IDE: variants seen among roughly 807,000 people sequenced by gnomAD.
IDE encodes insulin-degrading enzyme.
Under a neutral mutation model 133.2 loss-of-function variants are expected in IDE, and 58 were observed. That is an observed-to-expected ratio of 0.44 (90% confidence interval 0.35 to 0.54). The LOEUF is 0.54. Ranked by LOEUF, IDE falls within the 20% of genes least tolerant of loss-of-function variation. The pLI, the probability that IDE is intolerant of heterozygous loss-of-function variation, is 0.00. For synonymous variants in IDE, 396 were observed against 421.3 expected (o/e 0.94, Z 0.73); for missense variants, 981 against 1,234.0 (o/e 0.79, Z 3.07).
At chr10:92,457,638 T>C (rs1333266536) in intron 22 of IDE, among the ~76,000 whole-genome samples, 1 of 152,122 alleles carries the variant, frequency 6.6e-6, no homozygotes, top group Non-Finnish European at 1.5e-5. Flanking sequence ...TGTGACAAAG[T>C]TCCTCTTATT....
chr10:92,564,317 G>A (rs922718155), intron 1 of IDE, among the ~76,000 whole-genome samples: 1 of 152,074 alleles, frequency 6.6e-6, no homozygotes, highest in Non-Finnish European at 1.5e-5. Flanking sequence ...GTGTCCTGAA[G>A]GATAGTCTCC....
chr10:92,473,843 G>A (rs995098811), intron 17 of IDE, among the ~76,000 whole-genome samples: 4 of 152,026 alleles, frequency 2.6e-5, no homozygotes. Flanking sequence ...TTTGCCAGGT[G>A]TGGTGGTATA....
chr10:92,478,787 C>T (rs779913661), intron 15 of IDE: 41 of 1,210,886 alleles, frequency 3.4e-5, no homozygotes, highest in East Asian at 6.0e-5. Flanking sequence ...ATAAATGTAG[C>T]GACTAACAAA....
chr10:92,510,615 T>G (rs1848529000), intron 5 of IDE, among the ~76,000 whole-genome samples: 1 of 151,668 alleles, frequency 6.6e-6, no homozygotes, highest in South Asian at 2.1e-4. Flanking sequence ...AATGCACATT[T>G]TATATGTGTG....
At chr10:92,552,857 C>CAAAAAAAAAAAAAAAAAAAAAAAAAAA (rs71028827) in intron 1 of IDE, among the ~76,000 whole-genome samples, 27 of 49,376 alleles carry the variant, frequency 5.5e-4, no homozygotes, top group African/African-American at 2.0e-3. Context: ...GACTCAGTCT[C>CAAAAAAAAAAAAAAAAAAAAAAAAAAA]AAAAAAAAAA....
rs1018061549 is a variant in IDE, at chr10:92,453,416, T to C, written c.*1028A>G. 1 of 152,238 alleles carries C rather than the reference T, an allele frequency of 6.6e-6. No individual in the cohort carries two copies. The highest frequency in any genetic ancestry group is 6.5e-5 in the Admixed American group (1 of 15,274). The allele number at this position is 152,238 out of a possible 1,614,324, so 9.4% of individuals were successfully genotyped here. A position where few individuals can be genotyped will look rare whatever the true frequency, so the allele number is the denominator to read the frequency against. On this transcript the variant is annotated 3_prime_UTR_variant, in exon 25 of 25. Coordinates refer to ENST00000265986, the MANE Select transcript of IDE (RefSeq NM_004969.4). ...AGCAACAAGGGATTTTAGAGTTTTATGAAGACCTGCTATATAAGAATGCAA... is the reference window on the plus strand; with the variant it reads ...AGCAACAAGGGATTTTAGAGTTTTACGAAGACCTGCTATATAAGAATGCAA...
At chr10:92,499,910 T>A (rs1847915045) in intron 11 of IDE, among the ~76,000 whole-genome samples, 1 of 152,226 alleles carries the variant, frequency 6.6e-6, no homozygotes, top group Admixed American at 6.5e-5. Context: ...TCAAGTTTCA[T>A]CATTTTTCAT....
chr10:92,502,775 T>C (rs1307159521), intron 11 of IDE, among the ~76,000 whole-genome samples: 1 of 152,234 alleles, frequency 6.6e-6, no homozygotes, highest in Admixed American at 6.5e-5. Context: ...GTAAATTATC[T>C]AGAGTTGAAA....
At chr10:92,537,905 C>T (rs1438303840) in intron 1 of IDE, among the ~76,000 whole-genome samples, 1 of 151,992 alleles carries the variant, frequency 6.6e-6, no homozygotes, top group Non-Finnish European at 1.5e-5. Context: ...CAGTTTGTCA[C>T]CGAGGCTTGT....
chr10:92,525,875 G>A (rs1377308064), intron 4 of IDE, among the ~76,000 whole-genome samples: 1 of 151,924 alleles, frequency 6.6e-6, no homozygotes, highest in Non-Finnish European at 1.5e-5. Flanking sequence ...AAAGATCTCA[G>A]GCTGGGCGCA....
chr10:92,556,130 A>G (rs1451974803), intron 1 of IDE, among the ~76,000 whole-genome samples: 3 of 131,002 alleles, frequency 2.3e-5, no homozygotes, highest in East Asian at 2.5e-4. Context: ...CCGAGATTGC[A>G]CCACTGCAGT....
chr10:92,527,199 A>T (rs1811422838), intron 4 of IDE, among the ~76,000 whole-genome samples: 1 of 152,200 alleles, frequency 6.6e-6, no homozygotes, highest in Admixed American at 6.5e-5. Flanking sequence ...GTCTACATAA[A>T]GTCCTAAGAA....
At chr10:92,468,618 C>T (rs1845809590) in intron 19 of IDE, among the ~76,000 whole-genome samples, 1 of 151,922 alleles carries the variant, frequency 6.6e-6, no homozygotes, top group Admixed American at 6.6e-5. Flanking sequence ...TTTTTACTTC[C>T]TAATTCCCCT....
In IDE at chr10:92,453,465, A is replaced by G. The variant is rs922416515; in HGVS notation, c.*979T>C. The stretch of plus-strand genomic sequence containing the variant: ...AAGGCTTTACTTTTTATATTTCCAA[A>G]AAGGTGGCTTTGTATTGGCTGCCTT... On this transcript the variant is annotated 3_prime_UTR_variant, in exon 25 of 25. Coordinates refer to ENST00000265986, the MANE Select transcript of IDE (RefSeq NM_004969.4). 3.3e-5 allele frequency: 5 copies of G among 152,208 alleles called. No homozygotes were observed. The highest frequency in any genetic ancestry group is 1.2e-4 in the African/African-American group (5 of 41,450). 9.4% of individuals were successfully genotyped at this position (152,208 alleles called of 1,614,324 possible). A position where few individuals can be genotyped will look rare whatever the true frequency, so the allele number is the denominator to read the frequency against.
At chr10:92,467,336 G>T (rs1043221679) in intron 19 of IDE, among the ~76,000 whole-genome samples, 10 of 152,166 alleles carry the variant, frequency 6.6e-5, no homozygotes, top group Non-Finnish European at 1.0e-4. Flanking sequence ...GCCTCCCAAA[G>T]TGCTGGGATT....
rs1370828640 is a variant in IDE at position 92,524,377 on chromosome 10, A to G, written c.661+7371T>C. Reference sequence around the variant, plus strand: ...TATATTTTATATTATAATATATATTATATATAATATATTTTATATAATATA... The same window carrying G: ...TATATTTTATATTATAATATATATTGTATATAATATATTTTATATAATATA... On this transcript the variant is annotated intron_variant, in intron 4 of 24. Coordinates refer to ENST00000265986, the MANE Select transcript of IDE (RefSeq NM_004969.4). Among the ~76,000 whole-genome samples the G allele has an allele frequency of 8.8e-5, 3 of 34,282 alleles. No individual in the cohort carries two copies. In the South Asian group the frequency reaches 1.6e-3, roughly 18 times the overall value. 22.5% of individuals were successfully genotyped at this position (34,282 alleles called of 152,430 possible).
intron 5 of IDE, among the ~76,000 whole-genome samples, chr10:92,512,393 A>T (rs968172800): frequency 8.5e-5 from 13 of 152,176 alleles, no homozygotes; most frequent in African/African-American, 2.9e-4. Flanking sequence ...ATGTGTATGG[A>T]TCAGAGAATT....
At position 92,452,024 on chromosome 10, in the gene IDE, A is replaced by G. The variant is rs1277695367; in HGVS notation, c.*2420T>C. On this transcript the variant is annotated 3_prime_UTR_variant, in exon 25 of 25. Transcript: ENST00000265986. ...AATACTGAGATTCTTGTTTTACAAAAGTGATCTATTCTTAAGGTTGTGAAA... is the reference window on the plus strand; with the variant it reads ...AATACTGAGATTCTTGTTTTACAAAGGTGATCTATTCTTAAGGTTGTGAAA... 7 of 152,204 alleles carry G rather than the reference A, an allele frequency of 4.6e-5. No individual in the cohort carries two copies. The highest frequency in any genetic ancestry group is 3.9e-4 in the East Asian group (2 of 5,192). 9.4% of individuals were successfully genotyped at this position (152,204 alleles called of 1,614,324 possible).
At chr10:92,555,958 G>A (rs887680255) in intron 1 of IDE, among the ~76,000 whole-genome samples, 11 of 152,002 alleles carry the variant, frequency 7.2e-5, no homozygotes, top group African/African-American at 2.7e-4. Context: ...TGGATCACGA[G>A]GTCAGGAGAT....
Sources: gnomAD v4.1 joint callset for allele counts (sites outside exome capture counted in the v4.1 genomes callset) on GRCh38, gnomAD v4.1.1 for gene constraint, MANE v1.5 for transcripts, NCBI Gene and HGNC (gene_info 2026-07-23, HGNC 2026-07-21) for gene names.